TMEM178B: variants seen among roughly 807,000 people sequenced by gnomAD.
The protein encoded by TMEM178B is transmembrane protein 178B.
A neutral mutation model predicts 31.0 loss-of-function variants in TMEM178B; 5 were observed. That is an observed-to-expected ratio of 0.16 (90% CI 0.08 to 0.34). The LOEUF is 0.34. TMEM178B is among the 10% of genes least tolerant of loss of function. The pLI is 1.00. For missense variants in TMEM178B, 275 were observed against 400.3 expected, an observed-to-expected ratio of 0.69 and a Z score of 2.67; for synonymous variants, 164 against 164.0, an observed-to-expected ratio of 1.00 and a Z score of 0.00.
chr7:141,482,532 G>A (rs1446717152), downstream of TMEM178B, among the ~76,000 whole-genome samples: 3 of 152,256 alleles, frequency 2.0e-5, no homozygotes, highest in African/African-American at 7.2e-5. Context: ...TTACTGGTCT[G>A]AACCAAACTA....
intron 2 of TMEM178B, among the ~76,000 whole-genome samples, chr7:141,283,813 A>C (rs1429150364): frequency 6.6e-6 from 1 of 152,180 alleles, no homozygotes; most frequent in African/African-American, 2.4e-5. Flanking sequence ...ATACTGAAAA[A>C]ATTTCTAGTG....
chr7:141,437,876 G>T, intron 3 of TMEM178B, 131 bp downstream of exon 3: 1 of 1,302,412 alleles, frequency 7.7e-7, no homozygotes, highest in African/African-American at 1.5e-5. Context: ...TCATCCATTG[G>T]TTCACAAGCA....
intron 1 of TMEM178B, among the ~76,000 whole-genome samples, chr7:141,084,845 G>C (rs928275796): frequency 2.6e-5 from 4 of 152,082 alleles, no homozygotes; most frequent in African/African-American, 9.7e-5. Flanking sequence ...GCAGCAAACA[G>C]GTGATTCAAA....
chr7:141,376,306 G>GA (rs1207219209), intron 2 of TMEM178B, among the ~76,000 whole-genome samples: 1 of 152,316 alleles, frequency 6.6e-6, no homozygotes, highest in Non-Finnish European at 1.5e-5. Flanking sequence ...TAACTGGCAG[G>GA]AAAATCACTG....
At chr7:141,436,836 G>T (rs1191087191) in intron 2 of TMEM178B, among the ~76,000 whole-genome samples, 1 of 152,178 alleles carries the variant, frequency 6.6e-6, no homozygotes, top group African/African-American at 2.4e-5. Context: ...TCCTCCTGGA[G>T]CTGATGGGTT....
At chr7:141,375,937 G>A (rs192010789) in intron 2 of TMEM178B, among the ~76,000 whole-genome samples, 1 of 152,318 alleles carries the variant, frequency 6.6e-6, no homozygotes, top group African/African-American at 2.4e-5. Context: ...TGGGACCAAC[G>A]GGGAAGTAGC....
intron 2 of TMEM178B, among the ~76,000 whole-genome samples, chr7:141,362,828 G>A (rs1018929674): frequency 3.9e-5 from 6 of 152,178 alleles, no homozygotes; most frequent in African/African-American, 1.2e-4. Flanking sequence ...GAAACCACCC[G>A]GGCTGTAGCC....
intron 2 of TMEM178B, among the ~76,000 whole-genome samples, chr7:141,261,101 G>T (rs538246923): frequency 1.8e-4 from 28 of 152,162 alleles, no homozygotes; most frequent in Admixed American, 3.9e-4. Context: ...TATTTAAAAA[G>T]AAATCCAAAA....
intron 1 of TMEM178B, among the ~76,000 whole-genome samples, chr7:141,113,600 A>G (rs935873910): frequency 6.6e-6 from 1 of 151,902 alleles, no homozygotes; most frequent in Non-Finnish European, 1.5e-5. Context: ...TAATTACCCA[A>G]CTGGAATGGG....
At position 141,104,865 on chromosome 7, in the gene TMEM178B, C is replaced by T. The variant is rs187864588; in HGVS notation, c.382+30173C>T. Among the ~76,000 whole-genome samples, 16 of 152,288 alleles carry T rather than the reference C, an allele frequency of 1.1e-4. No individual in the cohort carries two copies. In the South Asian group the frequency reaches 1.5e-3, roughly 14 times the overall value. On this transcript the variant is annotated intron_variant, in intron 1 of 3. Transcript: ENST00000565468. ...CTTTAATGACCTGGTTTTACCTTAA[C>T]TACCTCTGTAAAGACCCAAATACAG...
chr7:141,380,394 T>G (rs2116585845), intron 2 of TMEM178B, among the ~76,000 whole-genome samples: 1 of 152,336 alleles, frequency 6.6e-6, no homozygotes, highest in Non-Finnish European at 1.5e-5. Context: ...CTTTAGAAAA[T>G]GATATCCCAT....
In TMEM178B at chr7:141,413,145, G is replaced by A. The variant is rs549541400; in HGVS notation, c.497-24463G>A. On this transcript the variant is annotated intron_variant, in intron 2 of 3. Transcript: ENST00000565468. ...CTATGCGCCACTCACAGTGCCATGT[G>A]TAAAGCAATTGTATGCCACCCCCAT... 1.4e-4 allele frequency among the ~76,000 whole-genome samples: 21 copies of A among 152,322 alleles called. No homozygotes were observed. The South Asian group carries it at 4.3e-3, about 32-fold the overall frequency.
At chr7:141,493,229 C>T in the TMEM178B span, among the ~76,000 whole-genome samples, 1 of 152,192 alleles carries the variant, frequency 6.6e-6, no homozygotes, top group African/African-American at 2.4e-5. Context: ...CAGGAAGAAG[C>T]AGACTCTTGG....
At chr7:141,134,581 CA>C (rs1795645093) in intron 1 of TMEM178B, among the ~76,000 whole-genome samples, 1 of 152,042 alleles carries the variant, frequency 6.6e-6, no homozygotes, top group Non-Finnish European at 1.5e-5. Flanking sequence ...AAAAAACCAC[CA>C]AACTGCAATG....
Position 141,470,874 on chromosome 7 carries a change from G to C in TMEM178B, c.*88G>C. 1.2e-6 allele frequency: 1 copy of C among 814,380 alleles called. No individual in the cohort carries two copies. The highest frequency in any genetic ancestry group is 1.8e-5 in the African/African-American group (1 of 54,342). 50.4% of individuals were successfully genotyped at this position (814,380 alleles called of 1,614,324 possible). A position where few individuals can be genotyped will look rare whatever the true frequency, so the allele number is the denominator to read the frequency against. Reference sequence around the variant, plus strand: ...CAAAACAAAACTAAATCAAGACGATGCCAGTGCCAAGGTAGAGTTGAGTTG... The same window carrying C: ...CAAAACAAAACTAAATCAAGACGATCCCAGTGCCAAGGTAGAGTTGAGTTG... On this transcript the variant is annotated 3_prime_UTR_variant, in exon 4 of 4. Coordinates refer to ENST00000565468, the MANE Select transcript of TMEM178B (RefSeq NM_001195278.2).
chr7:141,411,681 T>C (rs1454316154), intron 2 of TMEM178B, among the ~76,000 whole-genome samples: 2 of 152,234 alleles, frequency 1.3e-5, no homozygotes, highest in Non-Finnish European at 2.9e-5. Flanking sequence ...ACCCATTCAT[T>C]CAGCACATTT....
At chr7:141,077,741 T>G (rs936661937) in intron 1 of TMEM178B, among the ~76,000 whole-genome samples, 7 of 152,376 alleles carry the variant, frequency 4.6e-5, no homozygotes, top group Middle Eastern at 3.4e-3. Flanking sequence ...CCATCCAAGC[T>G]TATTCTAATT....
At chr7:141,460,614 T>C (rs369496708) in intron 3 of TMEM178B, among the ~76,000 whole-genome samples, 10 of 152,248 alleles carry the variant, frequency 6.6e-5, no homozygotes, top group African/African-American at 2.2e-4. Context: ...CCAGCCTCTA[T>C]GGATGGACCA....
intron 2 of TMEM178B, among the ~76,000 whole-genome samples, chr7:141,383,850 C>A (rs985357215): frequency 6.6e-6 from 1 of 152,166 alleles, no homozygotes; most frequent in African/African-American, 2.4e-5. Context: ...TAAAAGTGTT[C>A]CTATTTCTCT....
Sources: allele counts gnomAD v4.1 joint callset (sites outside exome capture counted in the v4.1 genomes callset), GRCh38; gene constraint gnomAD v4.1.1; transcripts MANE v1.5; gene names NCBI Gene and HGNC (gene_info 2026-07-23, HGNC 2026-07-21).